AHRR: variants seen among roughly 807,000 people sequenced by gnomAD.
AHRR encodes aryl hydrocarbon receptor repressor, also known as ahR repressor.
Under a neutral mutation model 44.0 loss-of-function variants are expected in AHRR, and 28 were observed. The ratio of observed to expected loss-of-function variants is 0.64; its 90% CI spans 0.47 to 0.87. AHRR has a LOEUF of 0.87. Ranked by LOEUF, AHRR falls within the 40% of genes least tolerant of loss-of-function variation. The pLI is 0.00. For missense variants in AHRR, 990 were observed against 953.9 expected (o/e 1.04, Z -0.50); for synonymous variants, 434 against 407.0 (o/e 1.07, Z -0.80).
intron 4 of AHRR, among the ~76,000 whole-genome samples, chr5:391,046 T>G (rs1373238580): frequency 2.5e-5 from 1 of 40,150 alleles, no homozygotes; most frequent in African/African-American, 6.7e-5. Context: ...CAGAACATCC[T>G]CAGACAGACG....
chr5:363,510 C>A (rs1579624697), intron 3 of AHRR, among the ~76,000 whole-genome samples: 1 of 152,224 alleles, frequency 6.6e-6, no homozygotes, highest in East Asian at 1.9e-4. Flanking sequence ...ACATCCCAGG[C>A]CAGTGTTCAG....
rs1226749596 is a variant in AHRR, at chr5:422,922, C to T, written c.571+64C>T. On this transcript the variant is annotated intron_variant, in intron 6 of 10. Coordinates refer to ENST00000684583, the MANE Select transcript of AHRR (RefSeq NM_001377236.1). Reference sequence around the variant, plus strand: ...AGCAGGTCCCATAACACATCGCTGCCTCTGGAAATGACCCTGTCGCACCTT... The same window carrying T: ...AGCAGGTCCCATAACACATCGCTGCTTCTGGAAATGACCCTGTCGCACCTT... The T allele has an allele frequency of 5.2e-6, 8 of 1,528,030 alleles. No homozygotes were observed. In the African/African-American group the frequency reaches 9.7e-5, roughly 19 times the overall value. 94.7% of individuals were successfully genotyped at this position (1,528,030 alleles called of 1,614,324 possible).
At position 383,866 on chromosome 5, in the gene AHRR, C is replaced by A. The variant is rs924230247; in HGVS notation, c.351+7150C>A. On this transcript the variant is annotated intron_variant, in intron 4 of 10. Transcript: ENST00000684583. This position sits in a 1 kb window ranked among gnomAD's most constrained non-coding sequence, Gnocchi z 4.0. The stretch of plus-strand genomic sequence containing the variant: ...AGGTGTGAGCCACCACACCCAGCCC[C>A]CAGCTTTCTTTTGATTAATGTTTGC... Among the ~76,000 whole-genome samples, 1 of 152,320 alleles carries A rather than the reference C, an allele frequency of 6.6e-6. No homozygotes were observed. Among genetic ancestry groups the A allele is most frequent in the African/African-American group, 2.4e-5 (1 of 41,554 alleles).
intron 4 of AHRR, chr5:403,847 A>G: frequency 6.4e-7 from 1 of 1,573,128 alleles, no homozygotes; most frequent in South Asian, 1.1e-5. Context: ...CTCAAAGGAC[A>G]AAGAACCCAC....
intron 5 of AHRR, among the ~76,000 whole-genome samples, chr5:413,668 C>T (rs1373438127): frequency 6.6e-6 from 1 of 152,182 alleles, no homozygotes; most frequent in Non-Finnish European, 1.5e-5. Flanking sequence ...TGGTCTAAGG[C>T]AGCCGTGGCG....
At chr5:364,867 A>G (rs1322747412) in intron 3 of AHRR, among the ~76,000 whole-genome samples, 3 of 152,192 alleles carry the variant, frequency 2.0e-5, no homozygotes, top group African/African-American at 7.2e-5. Context: ...AAAAAAATTG[A>G]TTTTGGGGTA....
chr5:403,680 G>T (rs930086971), intron 4 of AHRR: 2 of 665,622 alleles, frequency 3.0e-6, no homozygotes, highest in Non-Finnish European at 4.8e-6. Flanking sequence ...AGTTAAAATG[G>T]TATTTTTTTT....
Position 432,913 on chromosome 5 carries a change from C to G in AHRR, c.1078C>G (p.Pro360Ala). 1 of 1,612,804 alleles carries G rather than the reference C, an allele frequency of 6.2e-7. No individual in the cohort carries two copies. Among genetic ancestry groups the G allele is most frequent in the East Asian group, 2.2e-5 (1 of 44,864 alleles). Residue 360 changes from proline to alanine, a missense_variant, in exon 10 of 11, where the codon CCT becomes GCT. Pro to Ala is a conservative substitution (Grantham distance 27). Coordinates refer to ENST00000684583, the MANE Select transcript of AHRR (RefSeq NM_001377236.1). ...RAPCLCLRGG[P>A]DLVLDPKGGS... ...CCCATGCCTGTGCCTCCGGGGTGGC[C>G]CTGACCTTGTCCTTGACCCCAAGGG...
Position 433,923 on chromosome 5 carries a change from G to T in AHRR, c.1183G>T (p.Gly395Ter). ...SGVTGRRETP[G>*]PTKPLPWTAG... ...AGTGACAGGGCGGAGGGAGACTCCAGGACCCACAAAGCCCCTGCCCTGGAC... is the reference window on the plus strand; with the variant it reads ...AGTGACAGGGCGGAGGGAGACTCCATGACCCACAAAGCCCCTGCCCTGGAC... Residue 395 changes from glycine to a stop codon, truncating the protein, a stop_gained, in exon 11 of 11, where the codon GGA (glycine) becomes TGA (stop). Coordinates refer to ENST00000684583, the MANE Select transcript of AHRR (RefSeq NM_001377236.1). LOFTEE classifies it low-confidence loss of function (END_TRUNC). 1 of 1,535,868 alleles carries T rather than the reference G, an allele frequency of 6.5e-7. No homozygotes were observed. The highest frequency in any genetic ancestry group is 8.8e-7 in the Non-Finnish European group (1 of 1,141,872).
Position 389,325 on chromosome 5 carries a change from G to A in AHRR, c.351+12609G>A, listed in dbSNP as rs374623640. Among the ~76,000 whole-genome samples the A allele has an allele frequency of 1.8e-4, 28 of 152,236 alleles. 1 individual carries two copies. Among genetic ancestry groups the A allele is most frequent in the Admixed American group, 1.7e-3 (26 of 15,292 alleles). On this transcript the variant is annotated intron_variant, in intron 4 of 10. Transcript: ENST00000684583. The stretch of plus-strand genomic sequence containing the variant: ...CAGCATCCACAGTGCGTGAGTCCAC[G>A]TAAAGCCCTGAAAACCAGAGAGATC...
intron 4 of AHRR, among the ~76,000 whole-genome samples, chr5:408,968 T>C (rs1053615922): frequency 1.1e-4 from 17 of 152,356 alleles, no homozygotes; most frequent in South Asian, 8.3e-4. Context: ...TACATAGGTC[T>C]TTCTCCCACT....
At chr5:374,817 T>TTCTC (rs1743721266) in intron 3 of AHRR, among the ~76,000 whole-genome samples, 1 of 152,228 alleles carries the variant, frequency 6.6e-6, no homozygotes, top group South Asian at 2.1e-4. Flanking sequence ...TGGCTCCCAG[T>TTCTC]ATGGCCTTTC....
chr5:379,352 A>G (rs188068825), intron 4 of AHRR, among the ~76,000 whole-genome samples: 1 of 152,208 alleles, frequency 6.6e-6, no homozygotes, highest in East Asian at 1.9e-4. Flanking sequence ...GGTTGTTTTT[A>G]GGTTTTGGTG....
rs575408134 is a variant in AHRR at position 411,905 on chromosome 5, G to A, written c.352-1439G>A. Reference sequence around the variant, plus strand: ...CCTCGTGTGGGATGTGAGACTGGGCGAGATATTCCACCTGGTAGCCTGTGC... The same window carrying A: ...CCTCGTGTGGGATGTGAGACTGGGCAAGATATTCCACCTGGTAGCCTGTGC... On this transcript the variant is annotated intron_variant, in intron 4 of 10. Transcript: ENST00000684583. The surrounding 1 kb of genome is among the most constrained non-coding windows in gnomAD (Gnocchi z 4.2). Among the ~76,000 whole-genome samples, 146 of 152,294 alleles carry A rather than the reference G, an allele frequency of 9.6e-4. No individual in the cohort carries two copies. Among genetic ancestry groups the A allele is most frequent in the African/African-American group, 3.4e-3 (141 of 41,550 alleles).
At chr5:422,626 G>A in intron 5 of AHRR, 103 bp from the exon 6 acceptor site, 1 of 1,504,132 alleles carries the variant, frequency 6.6e-7, no homozygotes, top group Non-Finnish European at 9.2e-7. Flanking sequence ...GCTGTGACTT[G>A]CTTTGACAAG....
intron 3 of AHRR, among the ~76,000 whole-genome samples, chr5:369,560 G>A (rs941292243): frequency 1.3e-5 from 2 of 152,202 alleles, no homozygotes; most frequent in Non-Finnish European, 2.9e-5. Context: ...CACTTGCTTC[G>A]CTCTGAGTCT....
intron 4 of AHRR, among the ~76,000 whole-genome samples, chr5:398,274 G>GTGT (rs1211040480): frequency 6.6e-6 from 1 of 150,880 alleles, no homozygotes. Context: ...GACCATCCAC[G>GTGT]TAGCCCCTGA....
At position 345,070 on chromosome 5, in the gene AHRR, ATGTGTG is replaced by A. The variant is rs150724632; in HGVS notation, c.62+1128_62+1133del. ...ATGATGTCCCTGGCTGTGTGTGGGG[ATGTGTG>A]TGTGTGTGTGTGTGTGTGTGTCAGA... On this transcript the variant is annotated intron_variant, in intron 2 of 10. Transcript: ENST00000684583. 1.2e-3 allele frequency among the ~76,000 whole-genome samples: 12 copies of A among 10,134 alleles called. 2 individuals carry two copies. Among genetic ancestry groups the A allele is most frequent in the Admixed American group, 7.0e-3 (7 of 1,006 alleles). The allele number at this position is 10,134 out of a possible 152,430, so 6.6% of individuals were successfully genotyped here. A position where few individuals can be genotyped will look rare whatever the true frequency, so the allele number is the denominator to read the frequency against.
intron 8 of AHRR, among the ~76,000 whole-genome samples, chr5:431,483 G>A (rs1736728611): frequency 2.0e-5 from 3 of 152,174 alleles, no homozygotes; most frequent in Admixed American, 2.0e-4. Context: ...TACACCTTGT[G>A]GTCCACCAGT....
Sources: allele counts gnomAD v4.1 joint callset (sites outside exome capture counted in the v4.1 genomes callset), GRCh38; gene constraint gnomAD v4.1.1; non-coding constraint Gnocchi (gnomAD v3.1); transcripts MANE v1.5; gene names NCBI Gene and HGNC (gene_info 2026-07-23, HGNC 2026-07-21).